FOXP1: variants seen among roughly 807,000 people sequenced by gnomAD.
The protein encoded by FOXP1 is forkhead box protein P1.
FOXP1 carries 15 observed loss-of-function variants against 98.2 expected under a neutral mutation model. The ratio of observed to expected loss-of-function variants is 0.15; its 90% CI spans 0.10 to 0.24. The LOEUF (loss-of-function observed/expected upper bound fraction) is 0.24, where lower values mean the gene tolerates loss of function less well. Among genes scored for constraint, FOXP1 ranks in the 10% least tolerant of loss-of-function variants. FOXP1 has a pLI of 1.00. For missense variants in FOXP1, 633 were observed against 848.5 expected, an observed-to-expected ratio of 0.75 and a Z score of 3.15; for synonymous variants, 371 against 314.5, an observed-to-expected ratio of 1.18 and a Z score of -1.90.
chr3:71,506,476 C>T (rs2041832283), intron 2 of FOXP1, among the ~76,000 whole-genome samples: 1 of 152,180 alleles, frequency 6.6e-6, no homozygotes, highest in East Asian at 1.9e-4. Flanking sequence ...CTGTGTTTGC[C>T]AAATCCCCAG....
chr3:71,099,126 A>C (rs2056737474), intron 7 of FOXP1, among the ~76,000 whole-genome samples: 1 of 152,248 alleles, frequency 6.6e-6, no homozygotes, highest in African/African-American at 2.4e-5. Context: ...ACGATGGTCC[A>C]CATTACACAG....
intron 3 of FOXP1, among the ~76,000 whole-genome samples, chr3:71,386,466 T>C (rs1052829631): frequency 7.2e-5 from 11 of 152,138 alleles, no homozygotes; most frequent in African/African-American, 2.7e-4. Context: ...AATCACGCCC[T>C]GTGCGGTGGC....
chr3:71,313,523 C>A (rs987756797), intron 4 of FOXP1, among the ~76,000 whole-genome samples: 22 of 151,278 alleles, frequency 1.5e-4, no homozygotes, highest in African/African-American at 5.3e-4. Flanking sequence ...CGAGTATCTG[C>A]ATTTCTTTTT....
At chr3:71,261,641 A>G (rs1034076708) in intron 5 of FOXP1, among the ~76,000 whole-genome samples, 1 of 152,228 alleles carries the variant, frequency 6.6e-6, no homozygotes, top group African/African-American at 2.4e-5. Flanking sequence ...AAGCTGTGTT[A>G]CTGAGAAATA....
Position 70,956,180 on chromosome 3 carries a change from C to T in FOXP1, c.*3067G>A, listed in dbSNP as rs2031732931. 4.3e-6 allele frequency: 1 copy of T among 232,862 alleles called. No individual in the cohort carries two copies. Among genetic ancestry groups the T allele is most frequent in the East Asian group, 6.1e-5 (1 of 16,512 alleles). The allele number at this position is 232,862 out of a possible 1,614,324, so 14.4% of individuals were successfully genotyped here. A position where few individuals can be genotyped will look rare whatever the true frequency, so the allele number is the denominator to read the frequency against. ...TTAGGAACAATATCTAAAAAAAGAA[C>T]CGCCCTCTGCCCTCCCCCAAAAAAG... On this transcript the variant is annotated 3_prime_UTR_variant, in exon 21 of 21. Coordinates refer to ENST00000649528, the MANE Select transcript of FOXP1 (RefSeq NM_001349338.3).
chr3:71,524,160 G>A (rs2043194059), intron 2 of FOXP1, among the ~76,000 whole-genome samples: 1 of 152,072 alleles, frequency 6.6e-6, no homozygotes, highest in Admixed American at 6.5e-5. Flanking sequence ...TTAAAAGAAA[G>A]AATGAATGAG....
intron 3 of FOXP1, among the ~76,000 whole-genome samples, chr3:71,464,222 G>C (rs2088460282): frequency 6.6e-6 from 1 of 152,162 alleles, no homozygotes; most frequent in Non-Finnish European, 1.5e-5. Context: ...GTTGCAGTGA[G>C]CCATAATCGT....
intron 6 of FOXP1, among the ~76,000 whole-genome samples, chr3:71,197,002 T>C (rs1298749212): frequency 6.6e-6 from 1 of 152,218 alleles, no homozygotes; most frequent in African/African-American, 2.4e-5. Context: ...TCCACCACCT[T>C]GTAAGGAGCT....
chr3:71,442,476 C>T (rs543515820), intron 3 of FOXP1, among the ~76,000 whole-genome samples: 1 of 152,002 alleles, frequency 6.6e-6, no homozygotes, highest in African/African-American at 2.4e-5. Flanking sequence ...TGAGAACGTC[C>T]AGCTGATTTT....
At chr3:71,273,809 G>A (rs2070630933) in intron 5 of FOXP1, among the ~76,000 whole-genome samples, 1 of 152,216 alleles carries the variant, frequency 6.6e-6, no homozygotes, top group South Asian at 2.1e-4. Flanking sequence ...ACTATTCTGA[G>A]CACTGAGTGA....
At chr3:71,193,700 C>T (rs1359923824) in intron 6 of FOXP1, among the ~76,000 whole-genome samples, 7 of 152,118 alleles carry the variant, frequency 4.6e-5, no homozygotes, top group Non-Finnish European at 8.8e-5. Context: ...CAGCCCGCCT[C>T]GGCCTCCCTA....
intron 4 of FOXP1, among the ~76,000 whole-genome samples, chr3:71,301,942 C>G (rs1413493889): frequency 6.6e-6 from 1 of 152,082 alleles, no homozygotes; most frequent in Non-Finnish European, 1.5e-5. Flanking sequence ...AGAATTACAA[C>G]AAAATTATAC....
At chr3:71,086,775 A>G (rs912653203) in intron 7 of FOXP1, among the ~76,000 whole-genome samples, 1 of 152,238 alleles carries the variant, frequency 6.6e-6, no homozygotes, top group Non-Finnish European at 1.5e-5. Context: ...TAAAATTAAA[A>G]GCGATTTGCT....
At chr3:70,971,815 C>T in intron 18 of FOXP1, 2 of 416,622 alleles carry the variant, frequency 4.8e-6, no homozygotes, top group Admixed American at 8.6e-5. Flanking sequence ...TTAAAGACGT[C>T]AAAAAAGCAT....
Position 70,970,878 on chromosome 3 carries a change from A to C in FOXP1, c.1653-73T>G, listed in dbSNP as rs1162668449. The stretch of plus-strand genomic sequence containing the variant: ...TGAGTTCCTAGCTAAGTTTTGTTTT[A>C]AGCTTGCTGGTGCCCTTCCAAATGA... On this transcript the variant is annotated intron_variant, in intron 18 of 20. Transcript: ENST00000649528. 2.5e-6 allele frequency: 3 copies of C among 1,221,960 alleles called. No homozygotes were observed. In the African/African-American group the frequency reaches 4.5e-5, roughly 18 times the overall value. 75.7% of individuals were successfully genotyped at this position (1,221,960 alleles called of 1,614,324 possible). A position where few individuals can be genotyped will look rare whatever the true frequency, so the allele number is the denominator to read the frequency against.
chr3:71,052,088 T>C (rs2049974484), intron 9 of FOXP1, among the ~76,000 whole-genome samples: 1 of 152,102 alleles, frequency 6.6e-6, no homozygotes, highest in Non-Finnish European at 1.5e-5. Context: ...TCTAACATTT[T>C]TGTTTGTTTA....
At chr3:71,519,503 T>G (rs1447877331) in intron 2 of FOXP1, among the ~76,000 whole-genome samples, 1 of 152,084 alleles carries the variant, frequency 6.6e-6, no homozygotes, top group Non-Finnish European at 1.5e-5. Context: ...ATATTAGGAT[T>G]CTCTCAGGAA....
At chr3:71,583,005 C>G (rs2048311072) in intron 1 of FOXP1, among the ~76,000 whole-genome samples, 1 of 152,000 alleles carries the variant, frequency 6.6e-6, no homozygotes, top group Non-Finnish European at 1.5e-5. Context: ...TGCTCCAAGT[C>G]TAAACTTTGG....
chr3:71,103,644 A>C (rs752265355), intron 7 of FOXP1, among the ~76,000 whole-genome samples: 4 of 152,146 alleles, frequency 2.6e-5, no homozygotes, highest in African/African-American at 9.7e-5. Context: ...TTCAGATTGG[A>C]GGACCTCACT....
Sources: gnomAD v4.1 joint callset for allele counts (sites outside exome capture counted in the v4.1 genomes callset) on GRCh38, gnomAD v4.1.1 for gene constraint, MANE v1.5 for transcripts, NCBI Gene and HGNC (gene_info 2026-07-23, HGNC 2026-07-21) for gene names.